The following CCDC192 variants were observed in gnomAD, a reference collection of about 807,000 sequenced individuals.
CCDC192 encodes the protein coiled-coil domain-containing protein 192.
chr5:127,843,875 T>C (rs1479579515), intron 5 of CCDC192, among the ~76,000 whole-genome samples: 2 of 152,232 alleles, frequency 1.3e-5, no homozygotes, highest in African/African-American at 4.8e-5. Context: ...TTCTATGTGA[T>C]GTAAGAAGGG....
At chr5:127,807,821 A>AT (rs1435773486) in intron 5 of CCDC192, among the ~76,000 whole-genome samples, 2 of 152,072 alleles carry the variant, frequency 1.3e-5, no homozygotes, top group African/African-American at 4.8e-5. Flanking sequence ...TATAGTCCTT[A>AT]TTTTCAGATA....
chr5:127,806,690 T>A (rs1757805944), intron 5 of CCDC192, among the ~76,000 whole-genome samples: 1 of 152,128 alleles, frequency 6.6e-6, no homozygotes, highest in Non-Finnish European at 1.5e-5. Context: ...TAAGACAGTC[T>A]CAGCTCTTCC....
intron 3 of CCDC192, among the ~76,000 whole-genome samples, chr5:127,765,433 A>G (rs890800176): frequency 7.9e-5 from 12 of 152,252 alleles, no homozygotes; most frequent in African/African-American, 2.9e-4. Flanking sequence ...ATTTTTAAAC[A>G]AATTAATAAA....
Position 127,749,017 on chromosome 5 carries a change from A to G in CCDC192, c.115-5251A>G, listed in dbSNP as rs1019372821. ...CTTAAGGAGATTTTGGGCTGAGACA[A>G]TGGGGTTCTCTAGATATACAATCAT... On this transcript the variant is annotated intron_variant, in intron 2 of 6. Transcript: ENST00000514853. Among the ~76,000 whole-genome samples, 9 of 152,288 alleles carry G rather than the reference A, an allele frequency of 5.9e-5. 1 individual carries two copies. The highest frequency in any genetic ancestry group is 5.2e-4 in the Admixed American group (8 of 15,298).
At chr5:127,726,321 C>A (rs1752318416) in intron 2 of CCDC192, among the ~76,000 whole-genome samples, 2 of 152,088 alleles carry the variant, frequency 1.3e-5, no homozygotes, top group South Asian at 4.2e-4. Flanking sequence ...GGTTAAATTG[C>A]ATTAATTAAA....
chr5:127,807,740 T>A (rs1411832630), intron 5 of CCDC192, among the ~76,000 whole-genome samples: 1 of 152,138 alleles, frequency 6.6e-6, no homozygotes, highest in African/African-American at 2.4e-5. Flanking sequence ...CCTGGGCTGA[T>A]CAGGAGTCGA....
chr5:127,738,422 T>G (rs988447025), intron 2 of CCDC192, among the ~76,000 whole-genome samples: 3 of 141,780 alleles, frequency 2.1e-5, no homozygotes, highest in African/African-American at 5.4e-5. Context: ...GAGTTGCTCT[T>G]CTCAAGGAGT....
intron 3 of CCDC192, among the ~76,000 whole-genome samples, chr5:127,762,089 G>C (rs562614247): frequency 6.6e-6 from 1 of 152,196 alleles, no homozygotes; most frequent in East Asian, 1.9e-4. Flanking sequence ...TGCAACAGTG[G>C]ATCTTTTGAT....
At chr5:127,771,219 G>C (rs1755533881) in intron 3 of CCDC192, among the ~76,000 whole-genome samples, 1 of 152,124 alleles carries the variant, frequency 6.6e-6, no homozygotes, top group African/African-American at 2.4e-5. Flanking sequence ...AAATAACAAG[G>C]CAAACACATA....
chr5:127,913,213 C>G lies in CCDC192; in HGVS notation c.536-27969C>G, dbSNP rs1034990678. On this transcript the variant is annotated intron_variant, in intron 6 of 6. Transcript: ENST00000514853. Reference sequence around the variant, plus strand: ...TAGTCTACAGACCAACAAACTAAAGCCCAGAGAAGCTCCAGGAACACAATA... The same window carrying G: ...TAGTCTACAGACCAACAAACTAAAGGCCAGAGAAGCTCCAGGAACACAATA... 5.3e-5 allele frequency among the ~76,000 whole-genome samples: 8 copies of G among 152,144 alleles called. No individual in the cohort carries two copies. The East Asian group carries it at 1.3e-3, about 26-fold the overall frequency.
At chr5:127,785,271 T>C (rs1756475859) in intron 3 of CCDC192, 1 of 499,420 alleles carries the variant, frequency 2.0e-6, no homozygotes, top group Non-Finnish European at 4.0e-6. Context: ...ATTCCAACCC[T>C]AGGGGAAGGC....
At chr5:127,913,959 G>A (rs1753447053) in intron 6 of CCDC192, among the ~76,000 whole-genome samples, 1 of 152,186 alleles carries the variant, frequency 6.6e-6, no homozygotes, top group African/African-American at 2.4e-5. Context: ...GCTTTGACTG[G>A]TATTTTATGG....
chr5:127,768,481 C>T (rs77642494), intron 3 of CCDC192, among the ~76,000 whole-genome samples: 8,785 of 152,230 alleles, frequency 0.058, 563 homozygotes, highest in East Asian at 0.27. Flanking sequence ...TAGATTCTCC[C>T]TCACAGCCCT....
chr5:127,843,292 C>T (rs780463071), intron 5 of CCDC192, among the ~76,000 whole-genome samples: 1 of 151,996 alleles, frequency 6.6e-6, no homozygotes, highest in Admixed American at 6.6e-5. Flanking sequence ...CCCGCCTCAG[C>T]CTCCCAAAGT....
chr5:127,771,318 C>T (rs1755540318), intron 3 of CCDC192, among the ~76,000 whole-genome samples: 1 of 152,184 alleles, frequency 6.6e-6, no homozygotes, highest in South Asian at 2.1e-4. Flanking sequence ...GAAACAGTAC[C>T]TATTTCTGAC....
chr5:127,863,813 T>G (rs578236263), intron 5 of CCDC192, among the ~76,000 whole-genome samples: 7 of 152,222 alleles, frequency 4.6e-5, no homozygotes, highest in Non-Finnish European at 1.0e-4. Flanking sequence ...TAAGGCACTA[T>G]AAAACGGAAA....
intron 2 of CCDC192, among the ~76,000 whole-genome samples, chr5:127,710,433 C>T (rs574697991): frequency 1.3e-5 from 2 of 151,968 alleles, no homozygotes; most frequent in African/African-American, 4.8e-5. Flanking sequence ...GAATTAACCC[C>T]GCTCTCTCTG....
chr5:127,845,761 A>G (rs1259821931), intron 5 of CCDC192, among the ~76,000 whole-genome samples: 2 of 152,234 alleles, frequency 1.3e-5, no homozygotes, highest in Non-Finnish European at 2.9e-5. Context: ...TTACTTTAGC[A>G]TGAAAAAATT....
chr5:127,837,588 A>ACCTG (rs1750081223), intron 5 of CCDC192, among the ~76,000 whole-genome samples: 2 of 18,106 alleles, frequency 1.1e-4, no homozygotes, highest in Non-Finnish European at 1.6e-4. Flanking sequence ...CAGAATGTAA[A>ACCTG]CACTTTGTGC....
Sources: gnomAD v4.1 joint callset for allele counts (sites outside exome capture counted in the v4.1 genomes callset) on GRCh38, gnomAD v4.1.1 for gene constraint, MANE v1.5 for transcripts, NCBI Gene and HGNC (gene_info 2026-07-23, HGNC 2026-07-21) for gene names.